The following MINDY4 variants were observed in gnomAD, a reference collection of about 807,000 sequenced individuals.
MINDY4 encodes the protein probable ubiquitin carboxyl-terminal hydrolase MINDY-4.
In MINDY4, 68 loss-of-function variants were observed where a neutral mutation model predicts 87.0. The observed-to-expected ratio is 0.78, with a 90% CI of 0.64 to 0.96. The LOEUF is 0.96. Among genes scored for constraint, MINDY4 ranks in the 40% least tolerant of loss-of-function variants. The pLI is 0.00. For missense variants in MINDY4, 919 were observed against 928.2 expected (o/e 0.99, Z 0.13); for synonymous variants, 379 against 363.2 (o/e 1.04, Z -0.50).
At chr7:30,842,634 C>T (rs1789076917) in intron 9 of MINDY4, among the ~76,000 whole-genome samples, 2 of 152,148 alleles carry the variant, frequency 1.3e-5, no homozygotes, top group African/African-American at 4.8e-5. Context: ...ACAGGAGAGC[C>T]AGACAGGAAC....
chr7:30,892,047 C>G lies in MINDY4; in HGVS notation c.*42C>G. 1 of 1,607,682 alleles carries G rather than the reference C, an allele frequency of 6.2e-7. No homozygotes were observed. Among genetic ancestry groups the G allele is most frequent in the Non-Finnish European group, 8.5e-7 (1 of 1,174,156 alleles). ...AACCCTGTGGTCCACCACTCATCAC[C>G]TCATCACCGAGGATGACAGCTGAAC... On this transcript the variant is annotated 3_prime_UTR_variant, in exon 18 of 18. Transcript: ENST00000265299.
rs60137330 is a variant in MINDY4 at position 30,869,320 on chromosome 7, C to A, written c.1746-2923C>A. Among the ~76,000 whole-genome samples, 7 of 152,330 alleles carry A rather than the reference C, an allele frequency of 4.6e-5. No individual in the cohort carries two copies. In the East Asian group the frequency reaches 1.4e-3, roughly 29 times the overall value. On this transcript the variant is annotated intron_variant, in intron 13 of 17. Transcript: ENST00000265299. ...CTGATAGAGGAGGAGAAGGATGGGA[C>A]AAGCCTCCACACTGCCTTCAGCCCG...
chr7:30,838,355 G>T (rs572029299), intron 7 of MINDY4, among the ~76,000 whole-genome samples: 4 of 152,270 alleles, frequency 2.6e-5, no homozygotes, highest in East Asian at 1.9e-4. Context: ...TCACTGGGGG[G>T]TTGGGATGGT....
At chr7:30,775,954 C>A (rs1786798264) in intron 1 of MINDY4, among the ~76,000 whole-genome samples, 1 of 152,220 alleles carries the variant, frequency 6.6e-6, no homozygotes, top group Non-Finnish European at 1.5e-5. Context: ...CTTTCTTGTG[C>A]ACCTCATATC....
chr7:30,824,472 G>A (rs1320699329), intron 5 of MINDY4, among the ~76,000 whole-genome samples: 1 of 152,130 alleles, frequency 6.6e-6, no homozygotes, highest in East Asian at 1.9e-4. Context: ...ATAGCAGTAA[G>A]TGATCAGTAT....
chr7:30,860,874 A>G (rs1789738336), intron 13 of MINDY4, among the ~76,000 whole-genome samples: 1 of 152,134 alleles, frequency 6.6e-6, no homozygotes, highest in Admixed American at 6.5e-5. Flanking sequence ...AGTGTGGGGA[A>G]TGCTGCCCTG....
intron 6 of MINDY4, among the ~76,000 whole-genome samples, chr7:30,835,957 C>G (rs188551834): frequency 1.3e-5 from 2 of 152,220 alleles, no homozygotes; most frequent in Admixed American, 1.3e-4. Context: ...ATATGGCTTA[C>G]GGTCCCTGCT....
chr7:30,834,380 C>T lies in MINDY4; in HGVS notation c.1133-2278C>T, dbSNP rs556239956. Among the ~76,000 whole-genome samples the T allele has an allele frequency of 4.6e-5, 7 of 152,370 alleles. No individual in the cohort carries two copies. The South Asian group carries it at 1.4e-3, about 32-fold the overall frequency. ...CACAGCCTGAGCTGTACATTGGCCC[C>T]TTTTAGTCATCACTAGAGTGGCTGG... On this transcript the variant is annotated intron_variant, in intron 6 of 17. Coordinates refer to ENST00000265299, the MANE Select transcript of MINDY4 (RefSeq NM_032222.3).
At position 30,790,914 on chromosome 7, in the gene MINDY4, A is replaced by C. The variant is rs1787304744; in HGVS notation, c.664-251A>C. 2.0e-5 allele frequency among the ~76,000 whole-genome samples: 3 copies of C among 152,310 alleles called. No individual in the cohort carries two copies. In the South Asian group the frequency reaches 6.2e-4, roughly 32 times the overall value. On this transcript the variant is annotated intron_variant, in intron 4 of 17. Transcript: ENST00000265299. Reference sequence around the variant, plus strand: ...CTGCTGCATGAACCTGCTCTCTGTAAGGGCTGCGAGAGAAAGGCCCAGGCC... The same window carrying C: ...CTGCTGCATGAACCTGCTCTCTGTACGGGCTGCGAGAGAAAGGCCCAGGCC...
At chr7:30,817,443 G>A (rs1284155377) in intron 5 of MINDY4, among the ~76,000 whole-genome samples, 1 of 150,026 alleles carries the variant, frequency 6.7e-6, no homozygotes, top group African/African-American at 2.5e-5. Context: ...TGCCCTCAGG[G>A]ATCTGACTCA....
At chr7:30,885,480 C>G (rs1184024339) in intron 17 of MINDY4, among the ~76,000 whole-genome samples, 1 of 152,170 alleles carries the variant, frequency 6.6e-6, no homozygotes, top group Non-Finnish European at 1.5e-5. Flanking sequence ...CCATTGCACG[C>G]CAGCCTGGGC....
In MINDY4 at chr7:30,786,059, G is replaced by A. The variant is rs545652319; in HGVS notation, c.663+67G>A. On this transcript the variant is annotated intron_variant, in intron 4 of 17. Coordinates refer to ENST00000265299, the MANE Select transcript of MINDY4 (RefSeq NM_032222.3). ...GAGAACTGGGCTGGGCTTAAGGCACGCCTGGGTTTATTTGGGGTACCCCAC... is the reference window on the plus strand; with the variant it reads ...GAGAACTGGGCTGGGCTTAAGGCACACCTGGGTTTATTTGGGGTACCCCAC... 171 of 1,586,676 alleles carry A rather than the reference G, an allele frequency of 1.1e-4. No homozygotes were observed. In the South Asian group the frequency reaches 1.6e-3, roughly 15 times the overall value.
At chr7:30,856,769 C>T (rs1392288742) in intron 12 of MINDY4, among the ~76,000 whole-genome samples, 1 of 151,972 alleles carries the variant, frequency 6.6e-6, no homozygotes, top group Non-Finnish European at 1.5e-5. Context: ...GAAAGGGACA[C>T]CGAGACCAAG....
At chr7:30,877,314 T>C (rs1790291547) in intron 15 of MINDY4, among the ~76,000 whole-genome samples, 1 of 152,020 alleles carries the variant, frequency 6.6e-6, no homozygotes, top group Non-Finnish European at 1.5e-5. Context: ...GGTCAGAGAG[T>C]AAACTATTTT....
At chr7:30,880,666 A>G (rs1283076501) in intron 15 of MINDY4, among the ~76,000 whole-genome samples, 2 of 152,172 alleles carry the variant, frequency 1.3e-5, no homozygotes, top group Non-Finnish European at 2.9e-5. Context: ...ATGGAATGGA[A>G]GCCAAGTTTA....
intron 9 of MINDY4, among the ~76,000 whole-genome samples, chr7:30,844,823 A>G (rs12701043): frequency 0.97 from 148,346 of 152,276 alleles, 72,284 homozygotes; most frequent in East Asian, 1. Context: ...GTGGAAACAG[A>G]GCATCACTTT....
chr7:30,825,480 G>A (rs1440045814), intron 5 of MINDY4, among the ~76,000 whole-genome samples: 1 of 152,230 alleles, frequency 6.6e-6, no homozygotes, highest in African/African-American at 2.4e-5. Context: ...ACCCTCAGGA[G>A]CCAAGGGAAC....
chr7:30,837,839 C>T (rs1267695041), intron 7 of MINDY4, among the ~76,000 whole-genome samples: 1 of 152,224 alleles, frequency 6.6e-6, no homozygotes, highest in African/African-American at 2.4e-5. Context: ...CACACTGTGC[C>T]TAGCGGGAGC....
intron 13 of MINDY4, among the ~76,000 whole-genome samples, chr7:30,866,019 C>T (rs1013097861): frequency 5.9e-5 from 9 of 152,324 alleles, no homozygotes; most frequent in African/African-American, 2.2e-4. Flanking sequence ...CTAAAGCAAG[C>T]CAACTGTGCC....
Sources: allele counts gnomAD v4.1 joint callset (sites outside exome capture counted in the v4.1 genomes callset), GRCh38; gene constraint gnomAD v4.1.1; transcripts MANE v1.5; gene names NCBI Gene and HGNC (gene_info 2026-07-23, HGNC 2026-07-21).